The following UVSSA variants were observed in gnomAD, a reference collection of about 807,000 sequenced individuals.
UVSSA encodes the protein UV-stimulated scaffold protein A.
A neutral mutation model predicts 73.9 loss-of-function variants in UVSSA; 72 were observed. The observed-to-expected ratio is 0.97, with a 90% CI of 0.81 to 1.19. The LOEUF (loss-of-function observed/expected upper bound fraction) is 1.19, where lower values mean the gene tolerates loss of function less well. UVSSA is among the 50% of genes most tolerant of loss of function. UVSSA has a pLI of 0.00. For missense variants in UVSSA, 1,150 were observed against 965.0 expected (o/e 1.19, Z -2.54); for synonymous variants, 454 against 391.3 (o/e 1.16, Z -1.89).
intron 8 of UVSSA, among the ~76,000 whole-genome samples, chr4:1,373,103 T>G (rs1251315352): frequency 1.3e-5 from 2 of 152,264 alleles, no homozygotes; most frequent in Non-Finnish European, 2.9e-5. Flanking sequence ...GAACTTCTCC[T>G]TCGGCACTTT....
rs896673702 is a variant in UVSSA at position 1,382,487 on chromosome 4, G to A, written c.1862-1279G>A. On this transcript the variant is annotated intron_variant, in intron 12 of 13. Transcript: ENST00000389851. ...GGGCCCGTCAGCGCCCAGGAAGGCC[G>A]CGCGGTCCCAGCATCTATTGATTTT... Among the ~76,000 whole-genome samples, 60 of 152,354 alleles carry A rather than the reference G, an allele frequency of 3.9e-4. 1 individual carries two copies. Among genetic ancestry groups the A allele is most frequent in the Admixed American group, 1.5e-3 (23 of 15,312 alleles).
At chr4:1,378,263 C>T (rs1258931354) in intron 10 of UVSSA, among the ~76,000 whole-genome samples, 2 of 152,122 alleles carry the variant, frequency 1.3e-5, no homozygotes, top group East Asian at 1.9e-4. Context: ...AGAGGGCTGG[C>T]GGGCCCTGGC....
In UVSSA at chr4:1,353,264, GCCACCC is replaced by G; in HGVS notation, c.787_792del (p.His263_Pro264del). 1 of 1,611,468 alleles carries G rather than the reference GCCACCC, an allele frequency of 6.2e-7. No individual in the cohort carries two copies. Among genetic ancestry groups the G allele is most frequent in the Non-Finnish European group, 8.5e-7 (1 of 1,179,842 alleles). ...AGTAGAGACCTGCCTGCCTCTGCAG[GCCACCC>G]CAGAGCGGGCGGCGGGGCACAGCCA... is the stretch of plus-strand genomic sequence containing the variant. On this transcript the variant is annotated inframe_deletion, in exon 5 of 14. Transcript: ENST00000389851.
intron 13 of UVSSA, chr4:1,385,645 T>C (rs926708822): frequency 1.2e-5 from 7 of 579,626 alleles, no homozygotes; most frequent in Admixed American, 1.2e-4. Context: ...CAGACTCCGC[T>C]TCTGGGACCT....
chr4:1,378,725 G>A (rs968348218), intron 10 of UVSSA, among the ~76,000 whole-genome samples: 3 of 152,210 alleles, frequency 2.0e-5, no homozygotes, highest in Non-Finnish European at 2.9e-5. Flanking sequence ...AGAATGCATC[G>A]CTGCTTCTCC....
intron 7 of UVSSA, among the ~76,000 whole-genome samples, chr4:1,364,255 C>T (rs1376018803): frequency 2.1e-5 from 2 of 94,318 alleles, no homozygotes; most frequent in Non-Finnish European, 4.6e-5. Flanking sequence ...TGGCCTGGCT[C>T]TGTGGGGGCC....
intron 8 of UVSSA, 179 bp from the exon 9 acceptor site, chr4:1,375,185 T>G: frequency 1.0e-6 from 1 of 998,040 alleles, no homozygotes; most frequent in Non-Finnish European, 1.5e-6. Context: ...GAGCGTGGCC[T>G]GAGCTGCTGC....
rs200400854 is a variant in UVSSA at position 1,381,004 on chromosome 4, G to T, written c.1861+16G>T. Reference sequence around the variant, plus strand: ...GAGCGCCCGGGTAGGTCTGGGCAAGGCGGTCACCGTGGGAGGCACAGCCTG... The same window carrying T: ...GAGCGCCCGGGTAGGTCTGGGCAAGTCGGTCACCGTGGGAGGCACAGCCTG... On this transcript the variant is annotated intron_variant, in intron 12 of 13. Transcript: ENST00000389851. 5 of 1,608,354 alleles carry T rather than the reference G, an allele frequency of 3.1e-6. No homozygotes were observed. The highest frequency in any genetic ancestry group is 4.2e-6 in the Non-Finnish European group (5 of 1,177,878).
chr4:1,342,975 C>T (rs1713480117), upstream of UVSSA, among the ~76,000 whole-genome samples: 1 of 151,966 alleles, frequency 6.6e-6, no homozygotes, highest in South Asian at 2.1e-4. Flanking sequence ...AGGTCTGTTG[C>T]ATTTCCACGC....
At chr4:1,353,450 GC>G in intron 5 of UVSSA, 37 bp downstream of exon 5, 1 of 1,443,560 alleles carries the variant, frequency 6.9e-7, no homozygotes, top group Non-Finnish European at 9.1e-7. Flanking sequence ...GCGCCACCCT[GC>G]CCCGGCTCCC....
chr4:1,375,649 G>A, intron 9 of UVSSA, 141 bp downstream of exon 9: 8 of 1,346,818 alleles, frequency 5.9e-6, no homozygotes, highest in South Asian at 1.5e-5. Context: ...ACCCCCGGCC[G>A]GGTGAGCAGT....
Position 1,380,233 on chromosome 4 carries a change from GA to G in UVSSA, c.1752+4del. 6.2e-7 allele frequency: 1 copy of G among 1,609,448 alleles called. No individual in the cohort carries two copies. The highest frequency in any genetic ancestry group is 1.7e-4 in the Middle Eastern group (1 of 5,984). On this transcript the variant is annotated splice_donor_region_variant and intron_variant, in intron 11 of 13. Transcript: ENST00000389851. ...GTGAGCGCCAAGACCGGCTGAAGGTGAGGCCGTGGCCCGAGGGCGGGGGTGG... is the reference window on the plus strand; with the variant it reads ...GTGAGCGCCAAGACCGGCTGAAGGTGGGCCGTGGCCCGAGGGCGGGGGTGG...
At chr4:1,376,345 G>A (rs1231410910) in intron 10 of UVSSA, among the ~76,000 whole-genome samples, 177 bp downstream of exon 10, 1 of 152,190 alleles carries the variant, frequency 6.6e-6, no homozygotes, top group African/African-American at 2.4e-5. Flanking sequence ...CTGCTGATCC[G>A]GCTCGTGGAG....
At position 1,353,114 on chromosome 4, in the gene UVSSA, C is replaced by T. The variant is rs781765925; in HGVS notation, c.635C>T (p.Pro212Leu). Reference sequence around the variant, plus strand: ...GTGCCTTTTGACTTTGACCCGAACCCGGAGACGGAATCCCTTGGCATGGCT... The same window carrying T: ...GTGCCTTTTGACTTTGACCCGAACCTGGAGACGGAATCCCTTGGCATGGCT... Reference protein sequence around the residue: ...LLVPFDFDPNPETESLGMASG... With the variant: ...LLVPFDFDPNLETESLGMASG... The change falls in exon 5 of 14, where the codon CCG becomes CTG. Residue 212 changes from proline (P) to leucine (L), a missense_variant. Coordinates refer to ENST00000389851, the MANE Select transcript of UVSSA (RefSeq NM_020894.4). 3.8e-5 allele frequency: 61 copies of T among 1,612,952 alleles called. No individual in the cohort carries two copies. The highest frequency in any genetic ancestry group is 1.5e-4 in the South Asian group (14 of 91,094).
Position 1,349,638 on chromosome 4 carries a change from G to A in UVSSA, c.213G>A (p.Arg71=). The A allele has an allele frequency of 1.2e-6, 2 of 1,614,104 alleles. No homozygotes were observed. The highest frequency in any genetic ancestry group is 1.7e-6 in the Non-Finnish European group (2 of 1,180,010). The change falls in exon 3 of 14, where the codon AGG becomes AGA. Residue 71 remains arginine, a synonymous_variant. Coordinates refer to ENST00000389851, the MANE Select transcript of UVSSA (RefSeq NM_020894.4). ...AGATTGTGGAGGAACTCTTCGTCAG[G>A]TCTCACCAGTTCCGGATGCTGGTTG... is the stretch of plus-strand genomic sequence containing the variant. ...AFQIVEELFV[R]SHQFRMLVVS...
intron 13 of UVSSA, 24 bp from the exon 14 acceptor site, chr4:1,385,844 A>C: frequency 6.2e-6 from 10 of 1,613,696 alleles, no homozygotes; most frequent in Non-Finnish European, 8.5e-6. Context: ...CTCCCAGGTC[A>C]CATCTTGCCT....
rs752783215 is a variant in UVSSA, at chr4:1,353,427, C to A, written c.934+14C>A. The A allele has an allele frequency of 1.4e-6, 2 of 1,475,034 alleles. No individual in the cohort carries two copies. The highest frequency in any genetic ancestry group is 1.8e-6 in the Non-Finnish European group (2 of 1,109,378). The allele number at this position is 1,475,034 out of a possible 1,614,324, so 91.4% of individuals were successfully genotyped here. A position where few individuals can be genotyped will look rare whatever the true frequency, so the allele number is the denominator to read the frequency against. ...AGCTCTGCTCAGGTAACTGCCTTCG[C>A]GGGGTCTCTGTGGCGCCACCCTGCC... On this transcript the variant is annotated intron_variant, in intron 5 of 13. Transcript: ENST00000389851.
At chr4:1,348,055 T>A in intron 1 of UVSSA, 35 bp from the exon 2 acceptor site, 3 of 1,499,344 alleles carry the variant, frequency 2.0e-6, no homozygotes, top group Non-Finnish European at 2.8e-6. Flanking sequence ...AAAATACAGA[T>A]GGTGATATAG....
chr4:1,348,986 G>GTGCCAGGCGGTGTGTGTTTT (rs1714188056), intron 2 of UVSSA, among the ~76,000 whole-genome samples: 1 of 150,506 alleles, frequency 6.6e-6, no homozygotes, highest in African/African-American at 2.5e-5. Flanking sequence ...GTGTGTGTTT[G>GTGCCAGGCGGTGTGTGTTTT]TGCCGGGCGG....
Sources: gnomAD v4.1 joint callset for allele counts (sites outside exome capture counted in the v4.1 genomes callset) on GRCh38, gnomAD v4.1.1 for gene constraint, MANE v1.5 for transcripts, NCBI Gene and HGNC (gene_info 2026-07-23, HGNC 2026-07-21) for gene names.